Variants in GULP1 observed in about 807,000 individuals in gnomAD.
GULP1 encodes GULP PTB domain containing engulfment adaptor 1, also known as PTB domain-containing engulfment adapter protein 1.
Under a neutral mutation model 40.9 loss-of-function variants are expected in GULP1, and 19 were observed. That is an observed-to-expected ratio of 0.46 (90% CI 0.32 to 0.68). GULP1 has a LOEUF of 0.68. Among genes scored for constraint, GULP1 ranks in the 30% least tolerant of loss-of-function variants. The pLI, the probability that GULP1 is intolerant of heterozygous loss-of-function variation, is 0.03. For missense variants in GULP1, 312 were observed against 362.2 expected, an observed-to-expected ratio of 0.86 and a Z score of 1.12; for synonymous variants, 119 against 117.6, an observed-to-expected ratio of 1.01 and a Z score of -0.08.
At chr2:188,357,401 A>T (rs2045484722) in intron 1 of GULP1, among the ~76,000 whole-genome samples, 1 of 152,206 alleles carries the variant, frequency 6.6e-6, no homozygotes, top group South Asian at 2.1e-4. Context: ...CTGACTAGAC[A>T]TTTCTCAAAA....
intron 2 of GULP1, among the ~76,000 whole-genome samples, chr2:188,441,625 GGAGCCT>G (rs1201689013): frequency 1.3e-5 from 2 of 152,062 alleles, no homozygotes; most frequent in Admixed American, 1.3e-4. Context: ...TGTAAAAGAG[GGAGCCT>G]GAACATCTTC....
At chr2:188,573,122 A>G (rs1699422949) in intron 9 of GULP1, among the ~76,000 whole-genome samples, 1 of 152,202 alleles carries the variant, frequency 6.6e-6, no homozygotes, top group South Asian at 2.1e-4. Context: ...AAAATGTAAA[A>G]TGTAAATTAA....
intron 6 of GULP1, among the ~76,000 whole-genome samples, chr2:188,537,342 T>C (rs1176292473): frequency 6.6e-6 from 1 of 152,078 alleles, no homozygotes; most frequent in Non-Finnish European, 1.5e-5. Context: ...GGCTGTACTA[T>C]TCTGAAGTAT....
chr2:188,586,294 T>G (rs1053034467), intron 10 of GULP1, among the ~76,000 whole-genome samples: 2 of 152,228 alleles, frequency 1.3e-5, no homozygotes, highest in South Asian at 2.1e-4. Context: ...TTCTTGTCAT[T>G]TCGTTTACTA....
intron 2 of GULP1, among the ~76,000 whole-genome samples, chr2:188,473,679 T>C (rs2060777984): frequency 6.6e-6 from 1 of 152,152 alleles, no homozygotes; most frequent in Admixed American, 6.5e-5. Context: ...GGCAGTGGAC[T>C]CGCCTCTGGC....
chr2:188,343,738 C>G (rs1056922375), intron 1 of GULP1, among the ~76,000 whole-genome samples: 5 of 152,140 alleles, frequency 3.3e-5, no homozygotes, highest in Non-Finnish European at 5.9e-5. Flanking sequence ...TTAGGGACAC[C>G]TATACTGTGA....
intron 2 of GULP1, among the ~76,000 whole-genome samples, chr2:188,454,196 G>T (rs1396525461): frequency 6.6e-6 from 1 of 152,212 alleles, no homozygotes; most frequent in East Asian, 1.9e-4. Flanking sequence ...CAACGGTGAG[G>T]ATGGCAGAGA....
At chr2:188,369,889 G>T (rs1248349801) in intron 1 of GULP1, among the ~76,000 whole-genome samples, 1 of 152,006 alleles carries the variant, frequency 6.6e-6, no homozygotes, top group Non-Finnish European at 1.5e-5. Flanking sequence ...TGTCACCCAC[G>T]CTGGAGTGTG....
At chr2:188,335,927 A>G (rs1334912151) in intron 1 of GULP1, among the ~76,000 whole-genome samples, 1 of 152,190 alleles carries the variant, frequency 6.6e-6, no homozygotes, top group African/African-American at 2.4e-5. Flanking sequence ...AGATTATGTT[A>G]CAGATATGTC....
chr2:188,356,798 A>T (rs2045383977), intron 1 of GULP1, among the ~76,000 whole-genome samples: 1 of 152,134 alleles, frequency 6.6e-6, no homozygotes, highest in Non-Finnish European at 1.5e-5. Context: ...AGGACTAATG[A>T]CTTCAAAATA....
At chr2:188,482,738 T>C (rs940257427) in intron 3 of GULP1, among the ~76,000 whole-genome samples, 4 of 151,304 alleles carry the variant, frequency 2.6e-5, no homozygotes, top group Admixed American at 2.6e-4. Context: ...ATACAATTAC[T>C]TTTAATATAT....
intron 6 of GULP1, among the ~76,000 whole-genome samples, chr2:188,534,682 AAAAC>A (rs1194487573): frequency 6.6e-6 from 1 of 151,972 alleles, no homozygotes; most frequent in Non-Finnish European, 1.5e-5. Flanking sequence ...AAAACAAAAC[AAAAC>A]AAACAGGGAA....
intron 4 of GULP1, among the ~76,000 whole-genome samples, chr2:188,514,900 A>G (rs2065020508): frequency 6.6e-6 from 1 of 152,176 alleles, no homozygotes; most frequent in Non-Finnish European, 1.5e-5. Flanking sequence ...TCATTTTTAT[A>G]CCTTAGTAGT....
chr2:188,344,871 C>A (rs1251983800), intron 1 of GULP1, among the ~76,000 whole-genome samples: 1 of 152,130 alleles, frequency 6.6e-6, no homozygotes, highest in Non-Finnish European at 1.5e-5. Context: ...CATATACACA[C>A]ATTTAGTTAA....
At chr2:188,520,515 C>T (rs962151441) in intron 4 of GULP1, among the ~76,000 whole-genome samples, 11 of 142,758 alleles carry the variant, frequency 7.7e-5, no homozygotes, top group South Asian at 4.4e-4. Flanking sequence ...GGAAACACAG[C>T]GAGACTCCAT....
Position 188,353,680 on chromosome 2 carries a change from A to G in GULP1, c.-171-30083A>G, listed in dbSNP as rs374019215. Among the ~76,000 whole-genome samples, 44 of 152,020 alleles carry G rather than the reference A, an allele frequency of 2.9e-4. 1 individual carries two copies. The East Asian group carries it at 4.5e-3, about 15-fold the overall frequency. ...TGGGAAAACAGTATCTTGAATGCCCAGAGTAGGTATGCTTCCCTCCTCCCC... is the reference window on the plus strand; with the variant it reads ...TGGGAAAACAGTATCTTGAATGCCCGGAGTAGGTATGCTTCCCTCCTCCCC... On this transcript the variant is annotated intron_variant, in intron 1 of 11. Coordinates refer to ENST00000409830, the MANE Select transcript of GULP1 (RefSeq NM_016315.4).
intron 1 of GULP1, among the ~76,000 whole-genome samples, chr2:188,352,525 G>A (rs1371704990): frequency 1.3e-5 from 2 of 151,728 alleles, no homozygotes; most frequent in Non-Finnish European, 2.9e-5. Context: ...GTCATTGCAT[G>A]AGCCCATTTG....
At chr2:188,426,375 T>A (rs2056198170) in intron 2 of GULP1, among the ~76,000 whole-genome samples, 1 of 152,120 alleles carries the variant, frequency 6.6e-6, no homozygotes, top group Non-Finnish European at 1.5e-5. Context: ...TCAGAGAGAA[T>A]AGATGGTAAG....
At chr2:188,542,763 T>A (rs1254220001) in intron 7 of GULP1, among the ~76,000 whole-genome samples, 1 of 152,114 alleles carries the variant, frequency 6.6e-6, no homozygotes, top group Non-Finnish European at 1.5e-5. Flanking sequence ...TTTCAAGTGT[T>A]TTTTAACCAT....
Sources: allele counts gnomAD v4.1 joint callset (sites outside exome capture counted in the v4.1 genomes callset), GRCh38; gene constraint gnomAD v4.1.1; transcripts MANE v1.5; gene names NCBI Gene and HGNC (gene_info 2026-07-23, HGNC 2026-07-21).